The following CDKAL1 variants were observed in gnomAD, a reference collection of about 807,000 sequenced individuals.
CDKAL1 encodes threonylcarbamoyladenosine tRNA methylthiotransferase.
CDKAL1 carries 32 observed loss-of-function variants against 68.2 expected under a neutral mutation model. That is an observed-to-expected ratio of 0.47 (90% CI 0.35 to 0.63). The LOEUF (loss-of-function observed/expected upper bound fraction) is 0.63, where lower values mean the gene tolerates loss of function less well. Ranked by LOEUF, CDKAL1 falls within the 30% of genes least tolerant of loss-of-function variation. CDKAL1 has a pLI of 0.00. For missense variants in CDKAL1, 606 were observed against 696.7 expected (o/e 0.87, Z 1.47); for synonymous variants, 234 against 244.3 (o/e 0.96, Z 0.39).
At chr6:20,721,583 A>G (rs1772362383) in intron 5 of CDKAL1, among the ~76,000 whole-genome samples, 1 of 152,146 alleles carries the variant, frequency 6.6e-6, no homozygotes, top group Admixed American at 6.5e-5. Context: ...GATACCCAGT[A>G]GTGGGATTGC....
chr6:20,633,920 GGTAGTT>G (rs1224918537), intron 4 of CDKAL1, among the ~76,000 whole-genome samples: 2 of 152,122 alleles, frequency 1.3e-5, no homozygotes, highest in Non-Finnish European at 2.9e-5. Flanking sequence ...TTATGAAATT[GGTAGTT>G]GTTTTGACCA....
Position 20,808,079 on chromosome 6 carries a change from T to C in CDKAL1, c.638+26814T>C, listed in dbSNP as rs112595330. On this transcript the variant is annotated intron_variant, in intron 8 of 15. Transcript: ENST00000274695. ...TGCTATCAGTATTTGCCATTACTTATCTGTGTGAAAGACATTTTAAAAAAT... is the reference window on the plus strand; with the variant it reads ...TGCTATCAGTATTTGCCATTACTTACCTGTGTGAAAGACATTTTAAAAAAT... Among the ~76,000 whole-genome samples, 442 of 152,350 alleles carry C rather than the reference T, an allele frequency of 2.9e-3. 8 individuals carry two copies. The South Asian group carries it at 0.049, about 17-fold the overall frequency.
chr6:21,037,333 A>T (rs1373809535), intron 11 of CDKAL1, among the ~76,000 whole-genome samples: 1 of 152,212 alleles, frequency 6.6e-6, no homozygotes, highest in Non-Finnish European at 1.5e-5. Flanking sequence ...AAGGGGCAGG[A>T]TGCTTGTTTG....
At chr6:21,032,191 A>G (rs565162437) in intron 11 of CDKAL1, among the ~76,000 whole-genome samples, 229 of 152,032 alleles carry the variant, frequency 1.5e-3, no homozygotes, top group Middle Eastern at 3.4e-3. Context: ...TAGTTTCTCT[A>G]TATGTTGGGA....
chr6:21,154,516 C>T (rs1335041794), intron 13 of CDKAL1, among the ~76,000 whole-genome samples: 1 of 152,130 alleles, frequency 6.6e-6, no homozygotes, highest in African/African-American at 2.4e-5. Context: ...TATACTTTTG[C>T]TCCTTGAGAA....
intron 8 of CDKAL1, among the ~76,000 whole-genome samples, chr6:20,803,829 T>G (rs1776463335): frequency 6.6e-6 from 1 of 152,110 alleles, no homozygotes; most frequent in Non-Finnish European, 1.5e-5. Flanking sequence ...AGAGACCAAA[T>G]AAGAAGTGAG....
At chr6:21,161,378 T>C (rs1776919460) in intron 13 of CDKAL1, among the ~76,000 whole-genome samples, 1 of 152,214 alleles carries the variant, frequency 6.6e-6, no homozygotes, top group African/African-American at 2.4e-5. Flanking sequence ...TTATTTATGC[T>C]ATAGAAAAAC....
chr6:20,545,980 A>G (rs1018641007), intron 2 of CDKAL1, among the ~76,000 whole-genome samples: 1 of 152,224 alleles, frequency 6.6e-6, no homozygotes, highest in Admixed American at 6.5e-5. Flanking sequence ...TGACAGACAA[A>G]GAAGAAACAA....
chr6:20,878,796 C>T (rs113863972), intron 9 of CDKAL1, among the ~76,000 whole-genome samples: 4 of 150,458 alleles, frequency 2.7e-5, no homozygotes, highest in African/African-American at 9.8e-5. Context: ...TATCCCCCTT[C>T]GGCAGGGCAT....
intron 5 of CDKAL1, among the ~76,000 whole-genome samples, chr6:20,738,976 C>T (rs1007285343): frequency 6.6e-6 from 1 of 152,184 alleles, no homozygotes; most frequent in Non-Finnish European, 1.5e-5. Context: ...TGGAAGTAAG[C>T]ATATGCAGTC....
At chr6:20,796,945 G>A (rs1288583367) in intron 8 of CDKAL1, among the ~76,000 whole-genome samples, 1 of 152,110 alleles carries the variant, frequency 6.6e-6, no homozygotes, top group Non-Finnish European at 1.5e-5. Flanking sequence ...ATAAAACATA[G>A]GAGAAGGTTT....
At chr6:20,665,839 G>C (rs150595325) in intron 5 of CDKAL1, among the ~76,000 whole-genome samples, 1 of 151,972 alleles carries the variant, frequency 6.6e-6, no homozygotes. Flanking sequence ...TGCATGTTAA[G>C]TGGGGCTTTC....
intron 10 of CDKAL1, chr6:20,993,540 T>G (rs1468066947): frequency 6.6e-6 from 1 of 152,164 alleles, no homozygotes; most frequent in African/African-American, 2.4e-5. Context: ...TCATTCCAAT[T>G]TTAGTATATG....
At position 20,573,942 on chromosome 6, in the gene CDKAL1, A is replaced by G. The variant is rs1399651019; in HGVS notation, c.286+25237A>G. 2.6e-5 allele frequency among the ~76,000 whole-genome samples: 4 copies of G among 152,192 alleles called. No individual in the cohort carries two copies. The East Asian group carries it at 7.7e-4, about 29-fold the overall frequency. Reference sequence around the variant, plus strand: ...TGATGGCTGGCTAGCAAAATCAAACATCTGCATTTTGACTGTGGAAGGCAG... The same window carrying G: ...TGATGGCTGGCTAGCAAAATCAAACGTCTGCATTTTGACTGTGGAAGGCAG... On this transcript the variant is annotated intron_variant, in intron 4 of 15. Coordinates refer to ENST00000274695, the MANE Select transcript of CDKAL1 (RefSeq NM_017774.3).
intron 9 of CDKAL1, among the ~76,000 whole-genome samples, chr6:20,915,091 G>A (rs955526976): frequency 6.6e-6 from 1 of 150,978 alleles, no homozygotes. Flanking sequence ...TATCCAATAT[G>A]TACATATCTA....
At chr6:21,106,034 G>A (rs1390952283) in intron 12 of CDKAL1, among the ~76,000 whole-genome samples, 1 of 152,198 alleles carries the variant, frequency 6.6e-6, no homozygotes, top group Non-Finnish European at 1.5e-5. Flanking sequence ...ACAAATTGAT[G>A]CAATATTTGT....
chr6:20,728,867 C>CT (rs1389180803), intron 5 of CDKAL1, among the ~76,000 whole-genome samples: 4 of 151,716 alleles, frequency 2.6e-5, no homozygotes, highest in South Asian at 2.1e-4. Context: ...TCTTTTCTTT[C>CT]TTTTTTTATT....
intron 7 of CDKAL1, among the ~76,000 whole-genome samples, chr6:20,768,870 G>T (rs926979746): frequency 6.6e-6 from 1 of 152,128 alleles, no homozygotes; most frequent in African/African-American, 2.4e-5. Flanking sequence ...GGAGAGGGAT[G>T]GTGGCTGAGA....
At chr6:21,084,816 T>C (rs895155243) in intron 12 of CDKAL1, among the ~76,000 whole-genome samples, 3 of 152,110 alleles carry the variant, frequency 2.0e-5, no homozygotes, top group Admixed American at 2.0e-4. Context: ...CGTTACAAAG[T>C]TATATGATGC....
Sources: allele counts gnomAD v4.1 joint callset (sites outside exome capture counted in the v4.1 genomes callset), GRCh38; gene constraint gnomAD v4.1.1; transcripts MANE v1.5; gene names NCBI Gene and HGNC (gene_info 2026-07-23, HGNC 2026-07-21).